Variants in JMY observed in about 807,000 individuals in gnomAD.
The protein encoded by JMY is junction-mediating and -regulatory protein.
In JMY, 46 loss-of-function variants were observed where a neutral mutation model predicts 103.3. That is an observed-to-expected ratio of 0.45 (90% confidence interval 0.35 to 0.57). The LOEUF is 0.57. Ranked by LOEUF, JMY falls within the 20% of genes least tolerant of loss-of-function variation. The pLI, the probability that JMY is intolerant of heterozygous loss-of-function variation, is 0.00. For synonymous variants in JMY, 526 were observed against 489.3 expected, an observed-to-expected ratio of 1.07 and a Z score of -0.99; for missense variants, 1,238 against 1,255.2, an observed-to-expected ratio of 0.99 and a Z score of 0.21.
chr5:79,315,926 G>A (rs1195214036), intron 9 of JMY, 74 bp from the exon 10 acceptor site: 2 of 1,303,346 alleles, frequency 1.5e-6, no homozygotes, highest in Admixed American at 2.0e-5. Flanking sequence ...AGTTGCGAAC[G>A]GTAGAGGTTA....
At chr5:79,280,173 G>A (rs1053340677) in intron 2 of JMY, among the ~76,000 whole-genome samples, 1 of 152,164 alleles carries the variant, frequency 6.6e-6, no homozygotes, top group African/African-American at 2.4e-5. Flanking sequence ...ATGAATCATG[G>A]ATATTTGTCT....
chr5:79,317,394 C>T (rs1394593034), intron 10 of JMY, among the ~76,000 whole-genome samples: 3 of 152,058 alleles, frequency 2.0e-5, no homozygotes, highest in Non-Finnish European at 2.9e-5. Flanking sequence ...TAGTCTACTA[C>T]ATTTTAATAT....
intron 1 of JMY, among the ~76,000 whole-genome samples, chr5:79,268,480 T>G (rs920922153): frequency 6.7e-6 from 1 of 148,966 alleles, no homozygotes; most frequent in Admixed American, 6.6e-5. Context: ...TTATTTATTT[T>G]TTATTTATTT....
In JMY at chr5:79,237,152, G is replaced by T. The variant is rs1229098247; in HGVS notation, c.502G>T (p.Ala168Ser). ...TGCGGCGGGGGCAGCCGCTGCAGCA[G>T]CCCGGCCGGCGCCCAGAGAGGCCCA... Reference protein sequence around the residue: ...DDAAGAAAAAARPAPREAQVS... With the variant: ...DDAAGAAAAASRPAPREAQVS... The change falls in exon 1 of 11, where the codon GCC becomes TCC. Residue 168 changes from alanine (A) to serine (S), a missense_variant. Physicochemically the swap from Ala to Ser is moderately conservative, Grantham distance 99. Transcript: ENST00000396137. The T allele has an allele frequency of 1.3e-6, 2 of 1,548,518 alleles. No homozygotes were observed. The highest frequency in any genetic ancestry group is 2.0e-5 in the Admixed American group (1 of 50,926).
At chr5:79,241,005 A>T (rs1031165686) in intron 1 of JMY, among the ~76,000 whole-genome samples, 1 of 152,248 alleles carries the variant, frequency 6.6e-6, no homozygotes, top group African/African-American at 2.4e-5. Context: ...TAGAATGCTT[A>T]GTCCTTTGGT....
At chr5:79,240,561 G>A (rs1301421437) in intron 1 of JMY, among the ~76,000 whole-genome samples, 5 of 151,298 alleles carry the variant, frequency 3.3e-5, no homozygotes, top group Admixed American at 2.6e-4. Flanking sequence ...TAACTGCCTC[G>A]GCCTCCCAAA....
intron 10 of JMY, among the ~76,000 whole-genome samples, chr5:79,321,181 T>C (rs553365025): frequency 1.4e-4 from 22 of 152,348 alleles, no homozygotes; most frequent in African/African-American, 5.1e-4. Context: ...GCCCCATAGA[T>C]CTTAAGCACA....
intron 1 of JMY, among the ~76,000 whole-genome samples, chr5:79,252,217 C>A (rs939689397): frequency 1.3e-5 from 2 of 152,058 alleles, no homozygotes; most frequent in Non-Finnish European, 2.9e-5. Context: ...CTTCATTGAC[C>A]TACTGGTCAT....
chr5:79,298,944 C>G (rs1391167083), intron 4 of JMY, among the ~76,000 whole-genome samples: 1 of 151,868 alleles, frequency 6.6e-6, no homozygotes, highest in Non-Finnish European at 1.5e-5. Flanking sequence ...CAAAAGGGAT[C>G]ATTTAGGAAA....
chr5:79,261,864 A>G (rs1745434036), intron 1 of JMY, among the ~76,000 whole-genome samples: 1 of 152,026 alleles, frequency 6.6e-6, no homozygotes, highest in South Asian at 2.1e-4. Flanking sequence ...GCCTCAAGTG[A>G]TCTGCCCGTC....
chr5:79,270,624 A>T (rs1048471366), intron 1 of JMY, among the ~76,000 whole-genome samples: 2 of 138,960 alleles, frequency 1.4e-5, no homozygotes, highest in Admixed American at 7.1e-5. Context: ...GTTTATATAA[A>T]ATATATTTAC....
At chr5:79,246,293 C>A (rs558885437) in intron 1 of JMY, among the ~76,000 whole-genome samples, 1 of 152,290 alleles carries the variant, frequency 6.6e-6, no homozygotes, top group East Asian at 1.9e-4. Context: ...TCTATCCACA[C>A]CTATGGGGCC....
Position 79,323,127 on chromosome 5 carries a change from T to G in JMY, c.*1525T>G, listed in dbSNP as rs1288593909. On this transcript the variant is annotated 3_prime_UTR_variant, in exon 11 of 11. Coordinates refer to ENST00000396137, the MANE Select transcript of JMY (RefSeq NM_152405.5). ...CACCATGCCCCAGCTAATTTTTATA[T>G]TTTTTATAGAGACAGGGTTTTGCCA... is the stretch of plus-strand genomic sequence containing the variant. 6.6e-6 allele frequency: 1 copy of G among 152,228 alleles called. No homozygotes were observed. Among genetic ancestry groups the G allele is most frequent in the East Asian group, 1.9e-4 (1 of 5,204 alleles). The allele number at this position is 152,228 out of a possible 1,614,324, so 9.4% of individuals were successfully genotyped here.
chr5:79,244,894 G>A (rs1309497116), intron 1 of JMY, among the ~76,000 whole-genome samples: 1 of 151,638 alleles, frequency 6.6e-6, no homozygotes, highest in Admixed American at 6.6e-5. Flanking sequence ...TCTTTTAGGG[G>A]ACTTGATAAT....
rs1465800707 is a variant in JMY at position 79,322,731 on chromosome 5, T to A, written c.*1129T>A. ...GATGGAGTCCTGAAGGACACATTTA[T>A]ATGTTCCAGATTTTCAGCAGGATTG... On this transcript the variant is annotated 3_prime_UTR_variant, in exon 11 of 11. Transcript: ENST00000396137. 24 of 152,248 alleles carry A rather than the reference T, an allele frequency of 1.6e-4. No homozygotes were observed. The highest frequency in any genetic ancestry group is 3.2e-4 in the Non-Finnish European group (22 of 68,058). 9.4% of individuals were successfully genotyped at this position (152,248 alleles called of 1,614,324 possible).
At chr5:79,260,275 T>TG (rs1303889254) in intron 1 of JMY, among the ~76,000 whole-genome samples, 5 of 152,168 alleles carry the variant, frequency 3.3e-5, no homozygotes, top group Non-Finnish European at 7.4e-5. Flanking sequence ...GGCCCTGTGA[T>TG]GGTGGGGGTG....
At position 79,311,406 on chromosome 5, in the gene JMY, A is replaced by G. The variant is rs961329823; in HGVS notation, c.1969-997A>G. Among the ~76,000 whole-genome samples, 4 of 152,200 alleles carry G rather than the reference A, an allele frequency of 2.6e-5. No homozygotes were observed. In the East Asian group the frequency reaches 5.8e-4, roughly 22 times the overall value. ...AACAGTAATTCTCATTAGAAATTAT[A>G]TTGTTTAGGGAAAGCTGGTGGGGAA... On this transcript the variant is annotated intron_variant, in intron 7 of 10. Transcript: ENST00000396137.
In JMY at chr5:79,327,013, T is replaced by C. The variant is rs537880045; in HGVS notation, c.*5411T>C. On this transcript the variant is annotated 3_prime_UTR_variant, in exon 11 of 11. Coordinates refer to ENST00000396137, the MANE Select transcript of JMY (RefSeq NM_152405.5). ...GTTTTGACTGTTGCCTTTTGCTCTT[T>C]AGTGCAGCTTTTCTGCATTGTAATT... The C allele has an allele frequency of 8.5e-5, 13 of 152,236 alleles. No individual in the cohort carries two copies. The highest frequency in any genetic ancestry group is 3.1e-4 in the African/African-American group (13 of 41,468). The allele number at this position is 152,236 out of a possible 1,614,324, so 9.4% of individuals were successfully genotyped here.
At chr5:79,262,017 A>T (rs1163914851) in intron 1 of JMY, among the ~76,000 whole-genome samples, 1 of 152,190 alleles carries the variant, frequency 6.6e-6, no homozygotes, top group Non-Finnish European at 1.5e-5. Context: ...GAAATTATCA[A>T]AGCTTTACTT....
Sources: gnomAD v4.1 joint callset for allele counts (sites outside exome capture counted in the v4.1 genomes callset) on GRCh38, gnomAD v4.1.1 for gene constraint, MANE v1.5 for transcripts, NCBI Gene and HGNC (gene_info 2026-07-23, HGNC 2026-07-21) for gene names.